ANXA4: variants seen among roughly 807,000 people sequenced by gnomAD.
ANXA4 encodes the protein annexin A4.
Under a neutral mutation model 49.8 loss-of-function variants are expected in ANXA4, and 39 were observed. That is an observed-to-expected ratio of 0.78 (90% CI 0.61 to 1.02). ANXA4 has a LOEUF of 1.02. Ranked by LOEUF, ANXA4 falls within the 50% of genes least tolerant of loss-of-function variation. ANXA4 has a pLI of 0.00. For synonymous variants in ANXA4, 134 were observed against 152.5 expected (o/e 0.88, Z 0.89); for missense variants, 360 against 410.1 (o/e 0.88, Z 1.05).
At chr2:69,675,201 C>T (rs1042352403) in intron 2 of ANXA4, among the ~76,000 whole-genome samples, 5 of 152,130 alleles carry the variant, frequency 3.3e-5, no homozygotes, top group African/African-American at 9.7e-5. Context: ...GGATTACAGG[C>T]GTGAGCCACC....
chr2:69,739,436 G>C (rs1364180184), upstream of ANXA4, among the ~76,000 whole-genome samples: 3 of 151,970 alleles, frequency 2.0e-5, no homozygotes, highest in Non-Finnish European at 2.9e-5. Flanking sequence ...GGTGGGGACA[G>C]AGTCTCACTC....
At chr2:69,719,031 C>T (rs1396621534) in intron 2 of ANXA4, among the ~76,000 whole-genome samples, 2 of 148,820 alleles carry the variant, frequency 1.3e-5, no homozygotes, top group African/African-American at 5.0e-5. Context: ...GGCTGGAGTG[C>T]AGTGGCACAA....
intron 2 of ANXA4, among the ~76,000 whole-genome samples, chr2:69,696,668 A>C (rs566349514): frequency 6.6e-6 from 1 of 152,328 alleles, no homozygotes; most frequent in South Asian, 2.1e-4. Flanking sequence ...AAATAACAAG[A>C]CTTGAAAGTC....
chr2:69,699,440 G>C (rs1480045715), intron 2 of ANXA4, among the ~76,000 whole-genome samples: 1 of 152,034 alleles, frequency 6.6e-6, no homozygotes, highest in Non-Finnish European at 1.5e-5. Flanking sequence ...AGGAGTTCAA[G>C]ACCAGCCCTG....
rs755137358 is a variant in ANXA4, at chr2:69,825,538, G to A, written c.*23G>A. The A allele has an allele frequency of 6.3e-7, 1 of 1,586,216 alleles. No individual in the cohort carries two copies. The highest frequency in any genetic ancestry group is 2.2e-5 in the East Asian group (1 of 44,570). On this transcript the variant is annotated 3_prime_UTR_variant, in exon 13 of 13. Coordinates refer to ENST00000394295, the MANE Select transcript of ANXA4 (RefSeq NM_001153.5). Reference sequence around the variant, plus strand: ...TAAAATAAAAATCCCAGAAGGACAGGAGGATTCTCAACACTTTGAATTTTT... The same window carrying A: ...TAAAATAAAAATCCCAGAAGGACAGAAGGATTCTCAACACTTTGAATTTTT...
chr2:69,783,933 A>T (rs1440546393), intron 2 of ANXA4, among the ~76,000 whole-genome samples: 1 of 152,188 alleles, frequency 6.6e-6, no homozygotes, highest in Non-Finnish European at 1.5e-5. Context: ...GTATTGTTGC[A>T]TCAGTAGTTT....
chr2:69,783,806 TGTTATCATAA>T (rs1313014063), intron 2 of ANXA4, among the ~76,000 whole-genome samples: 3 of 152,138 alleles, frequency 2.0e-5, no homozygotes, highest in Non-Finnish European at 4.4e-5. Context: ...CTGTTCTGAG[TGTTATCATAA>T]GTTAGTTTTG....
intron 4 of ANXA4, among the ~76,000 whole-genome samples, chr2:69,805,975 T>C (rs1250101162): frequency 2.6e-5 from 4 of 152,234 alleles, no homozygotes; most frequent in Non-Finnish European, 5.9e-5. Flanking sequence ...AGTGAGAAGA[T>C]TGGCATTGTT....
At chr2:69,770,439 GACTC>G (rs1457759403) in intron 1 of ANXA4, among the ~76,000 whole-genome samples, 1 of 152,174 alleles carries the variant, frequency 6.6e-6, no homozygotes, top group African/African-American at 2.4e-5. Context: ...AATAGTGAAT[GACTC>G]ACTCACATGT....
intron 3 of ANXA4, 84 bp from the exon 4 acceptor site, chr2:69,804,449 G>A: frequency 8.1e-7 from 1 of 1,239,444 alleles, no homozygotes; most frequent in Non-Finnish European, 1.2e-6. Context: ...CATGTGTTTG[G>A]GTAACTCCAA....
chr2:69,653,633 A>C (rs185265006), intron 2 of ANXA4, among the ~76,000 whole-genome samples: 94 of 152,210 alleles, frequency 6.2e-4, no homozygotes, highest in African/African-American at 2.2e-3. Flanking sequence ...CTGGAAACTC[A>C]CTTATGATTG....
At chr2:69,806,612 T>C in intron 5 of ANXA4, 114 bp downstream of exon 5, 1 of 761,352 alleles carries the variant, frequency 1.3e-6, no homozygotes, top group Middle Eastern at 3.5e-4. Context: ...CGCCCATCAA[T>C]GGTAGACTGG....
At chr2:69,779,965 G>A (rs910275386) in intron 1 of ANXA4, among the ~76,000 whole-genome samples, 2 of 152,174 alleles carry the variant, frequency 1.3e-5, no homozygotes, top group Non-Finnish European at 2.9e-5. Context: ...TGAATGATGG[G>A]AAACAGGAAG....
chr2:69,644,165 TCCCCCCCC>T (rs55772602), upstream of ANXA4, among the ~76,000 whole-genome samples: 1 of 21,116 alleles, frequency 4.7e-5, no homozygotes, highest in Non-Finnish European at 1.3e-4. Context: ...ACAACTAAGT[TCCCCCCCC>T]CCCCCCCCCG....
intron 2 of ANXA4, among the ~76,000 whole-genome samples, chr2:69,659,379 C>T (rs766143939): frequency 6.6e-6 from 1 of 152,164 alleles, no homozygotes; most frequent in Admixed American, 6.5e-5. Context: ...ACTAAAGTTA[C>T]AAGTAAGTCA....
chr2:69,771,350 C>T (rs1487123225), intron 1 of ANXA4, among the ~76,000 whole-genome samples: 4 of 152,198 alleles, frequency 2.6e-5, no homozygotes, highest in Non-Finnish European at 5.9e-5. Context: ...AAGTAAGCAT[C>T]TGTGCCAGTT....
intron 3 of ANXA4, among the ~76,000 whole-genome samples, chr2:69,795,938 G>A (rs1214789904): frequency 2.0e-5 from 3 of 152,158 alleles, no homozygotes; most frequent in South Asian, 2.1e-4. Flanking sequence ...AAGAGGGGAG[G>A]CCTTGATTGG....
At chr2:69,752,615 C>T (rs1670890425) in intron 1 of ANXA4, among the ~76,000 whole-genome samples, 1 of 152,202 alleles carries the variant, frequency 6.6e-6, no homozygotes, top group African/African-American at 2.4e-5. Flanking sequence ...ATGTTCACAC[C>T]TTATTATATC....
chr2:69,696,967 G>A (rs573486665), intron 2 of ANXA4, among the ~76,000 whole-genome samples: 2 of 152,240 alleles, frequency 1.3e-5, no homozygotes, highest in Admixed American at 1.3e-4. Flanking sequence ...ATACTTAAGG[G>A]TCCTAGGATT....
Sources: allele counts gnomAD v4.1 joint callset (sites outside exome capture counted in the v4.1 genomes callset), GRCh38; gene constraint gnomAD v4.1.1; transcripts MANE v1.5; gene names NCBI Gene and HGNC (gene_info 2026-07-23, HGNC 2026-07-21).